The following CPXM2 variants were observed in gnomAD, a reference collection of about 807,000 sequenced individuals.
CPXM2 encodes the protein inactive carboxypeptidase-like protein X2.
Under a neutral mutation model 86.1 loss-of-function variants are expected in CPXM2, and 66 were observed. The ratio of observed to expected loss-of-function variants is 0.77; its 90% CI spans 0.63 to 0.94. The LOEUF is 0.94. Ranked by LOEUF, CPXM2 falls within the 40% of genes least tolerant of loss-of-function variation. CPXM2 has a pLI of 0.00. For missense variants in CPXM2, 948 were observed against 1,026.3 expected, an observed-to-expected ratio of 0.92 and a Z score of 1.04; for synonymous variants, 388 against 400.2, an observed-to-expected ratio of 0.97 and a Z score of 0.36.
chr10:123,802,362 G>A (rs1382103709), intron 4 of CPXM2, among the ~76,000 whole-genome samples: 7 of 152,140 alleles, frequency 4.6e-5, no homozygotes, highest in African/African-American at 1.7e-4. Context: ...TTGAACCACT[G>A]CCGAAATAAG....
chr10:123,812,480 G>A (rs922073235), intron 4 of CPXM2, among the ~76,000 whole-genome samples: 9 of 152,186 alleles, frequency 5.9e-5, no homozygotes, highest in Non-Finnish European at 1.2e-4. Context: ...CCACTTCTGG[G>A]AAGAAGCAGG....
chr10:123,876,057 T>C (rs1240425652), intron 2 of CPXM2, among the ~76,000 whole-genome samples: 1 of 152,030 alleles, frequency 6.6e-6, no homozygotes, highest in Non-Finnish European at 1.5e-5. Flanking sequence ...CCTCAGGTGA[T>C]CCACCTGCCT....
chr10:123,875,973 C>T (rs994771884), intron 2 of CPXM2, among the ~76,000 whole-genome samples: 3 of 151,808 alleles, frequency 2.0e-5, no homozygotes, highest in Non-Finnish European at 4.4e-5. Flanking sequence ...CATGCTGCCA[C>T]GCCCGGCTAA....
intron 3 of CPXM2, among the ~76,000 whole-genome samples, chr10:123,851,144 A>T (rs1210282622): frequency 6.6e-6 from 1 of 152,158 alleles, no homozygotes. Context: ...TTGCTCCATA[A>T]CCACAGTGTA....
chr10:123,938,824 G>A (rs1234822675), intron 2 of CPXM2, among the ~76,000 whole-genome samples: 2 of 151,754 alleles, frequency 1.3e-5, no homozygotes, highest in Non-Finnish European at 2.9e-5. Flanking sequence ...GATGGCAGTG[G>A]GAGGCAACAC....
intron 7 of CPXM2, chr10:123,777,333 AC>A (rs957821507): frequency 1.3e-5 from 2 of 152,486 alleles, no homozygotes; most frequent in African/African-American, 4.8e-5. Context: ...CTGTGCCCAA[AC>A]CAAAGTAGGT....
chr10:123,775,787 C>T (rs1045599310), intron 7 of CPXM2, among the ~76,000 whole-genome samples: 2 of 152,218 alleles, frequency 1.3e-5, no homozygotes, highest in Admixed American at 6.5e-5. Flanking sequence ...ATTCCCTCTG[C>T]ACGGTGGCCC....
intron 10 of CPXM2, 127 bp from the exon 11 acceptor site, chr10:123,762,296 A>G: frequency 1.5e-6 from 2 of 1,326,392 alleles, no homozygotes; most frequent in Non-Finnish European, 2.1e-6. Context: ...TCAGAATTTC[A>G]AAACCAATTC....
intron 2 of CPXM2, among the ~76,000 whole-genome samples, chr10:123,903,851 A>G (rs1945407114): frequency 6.6e-6 from 1 of 152,240 alleles, no homozygotes; most frequent in Non-Finnish European, 1.5e-5. Context: ...AAGGTTTGCC[A>G]GGCGTAGCTG....
At chr10:123,765,108 A>C (rs1846438477) in intron 10 of CPXM2, among the ~76,000 whole-genome samples, 1 of 152,188 alleles carries the variant, frequency 6.6e-6, no homozygotes, top group Non-Finnish European at 1.5e-5. Context: ...TCTGACACCT[A>C]TTCTCTGAAA....
intron 2 of CPXM2, among the ~76,000 whole-genome samples, chr10:123,906,381 C>T (rs984415892): frequency 1.3e-5 from 2 of 152,172 alleles, no homozygotes; most frequent in Admixed American, 6.5e-5. Context: ...ACTCCTCCTC[C>T]TCACCCACAG....
chr10:123,809,331 T>G (rs1289065113), intron 4 of CPXM2, among the ~76,000 whole-genome samples: 1 of 152,160 alleles, frequency 6.6e-6, no homozygotes, highest in African/African-American at 2.4e-5. Context: ...TATGCTAAGA[T>G]TGCTAAGATC....
At chr10:123,880,828 C>CAAAAAAAA (rs71484548) in intron 1 of CPXM2, among the ~76,000 whole-genome samples, 6 of 53,992 alleles carry the variant, frequency 1.1e-4, no homozygotes, top group Non-Finnish European at 1.3e-4. Flanking sequence ...GATTCCGTCT[C>CAAAAAAAA]AAAAAAAAAA....
chr10:123,803,116 C>T (rs1484054205), intron 4 of CPXM2, among the ~76,000 whole-genome samples: 4 of 68,336 alleles, frequency 5.9e-5, no homozygotes, highest in African/African-American at 1.5e-4. Flanking sequence ...CTTTGTAGTA[C>T]CCTTTTTTTT....
At chr10:123,770,459 A>T (rs1846601719) in intron 8 of CPXM2, among the ~76,000 whole-genome samples, 1 of 152,246 alleles carries the variant, frequency 6.6e-6, no homozygotes, top group East Asian at 1.9e-4. Flanking sequence ...TCTGACCTAT[A>T]CAGGTGCAGG....
intron 2 of CPXM2, among the ~76,000 whole-genome samples, chr10:123,867,962 C>G (rs980083987): frequency 4.6e-5 from 7 of 152,314 alleles, no homozygotes; most frequent in African/African-American, 1.7e-4. Flanking sequence ...GATGAGGAAA[C>G]CACTTGCAAA....
chr10:123,908,800 A>G (rs1464922375), intron 2 of CPXM2, among the ~76,000 whole-genome samples: 1 of 152,206 alleles, frequency 6.6e-6, no homozygotes, highest in African/African-American at 2.4e-5. Context: ...GCAGTGAAGA[A>G]AATATTCCAT....
At chr10:123,797,831 T>C in intron 6 of CPXM2, 145 bp downstream of exon 6, 6 of 695,260 alleles carry the variant, frequency 8.6e-6, no homozygotes, top group Non-Finnish European at 1.0e-5. Flanking sequence ...TGATTGATTC[T>C]GCCTCCTCAG....
At chr10:123,764,708 A>G (rs1846428254) in intron 10 of CPXM2, among the ~76,000 whole-genome samples, 1 of 152,098 alleles carries the variant, frequency 6.6e-6, no homozygotes, top group Admixed American at 6.6e-5. Flanking sequence ...GCTAGTCTTG[A>G]ACTCCTGACC....
Sources: allele counts gnomAD v4.1 joint callset (sites outside exome capture counted in the v4.1 genomes callset), GRCh38; gene constraint gnomAD v4.1.1; transcripts MANE v1.5; gene names NCBI Gene and HGNC (gene_info 2026-07-23, HGNC 2026-07-21).